HEATR3: variants seen among roughly 807,000 people sequenced by gnomAD.
HEATR3 encodes the protein HEAT repeat-containing protein 3.
In HEATR3, 56 loss-of-function variants were observed where a neutral mutation model predicts 72.8. That is an observed-to-expected ratio of 0.77 (90% CI 0.62 to 0.96). HEATR3 has a LOEUF of 0.96. Ranked by LOEUF, HEATR3 falls within the 40% of genes least tolerant of loss-of-function variation. The pLI, the probability that HEATR3 is intolerant of heterozygous loss-of-function variation, is 0.00. For synonymous variants in HEATR3, 331 were observed against 318.1 expected, an observed-to-expected ratio of 1.04 and a Z score of -0.43; for missense variants, 747 against 831.4, an observed-to-expected ratio of 0.90 and a Z score of 1.25.
At chr16:50,073,917 C>T (rs1440623319) in intron 5 of HEATR3, 5 of 152,140 alleles carry the variant, frequency 3.3e-5, no homozygotes, top group Non-Finnish European at 7.4e-5. Flanking sequence ...TCAAGCAATG[C>T]TTACATATAG....
Position 50,072,709 on chromosome 16 carries a change from C to G in HEATR3, c.617C>G (p.Ser206Ter), listed in dbSNP as rs2036639760. The G allele has an allele frequency of 6.4e-7, 1 of 1,552,658 alleles. No individual in the cohort carries two copies. Among genetic ancestry groups the G allele is most frequent in the Non-Finnish European group, 8.9e-7 (1 of 1,123,878 alleles). Reference sequence around the variant, plus strand: ...CCTACCAATGTTGACCTGGCTATTTCAGTAGGTAAGTGAAGAAAAGGTGAT... The same window carrying G: ...CCTACCAATGTTGACCTGGCTATTTGAGTAGGTAAGTGAAGAAAAGGTGAT... ...RFPTNVDLAI[S>*]VAYCLQTVTE... The change falls in exon 5 of 15, where the codon TCA (serine) becomes TGA (stop). Residue 206 changes from serine (S) to a stop codon, truncating the protein, a stop_gained. Coordinates refer to ENST00000299192, the MANE Select transcript of HEATR3 (RefSeq NM_182922.4). LOFTEE classifies it high-confidence loss of function.
chr16:50,090,139 G>C (rs1243464554), intron 11 of HEATR3, among the ~76,000 whole-genome samples: 1 of 152,066 alleles, frequency 6.6e-6, no homozygotes, highest in African/African-American at 2.4e-5. Flanking sequence ...AGGATCACAT[G>C]AGCCCAAGAG....
At chr16:50,097,382 C>G (rs1309625957) in intron 12 of HEATR3, among the ~76,000 whole-genome samples, 1 of 129,544 alleles carries the variant, frequency 7.7e-6, no homozygotes, top group Non-Finnish European at 1.6e-5. Flanking sequence ...CTAGCAATCT[C>G]TATAAGTGAC....
At chr16:50,085,393 A>G (rs1214750370) in intron 10 of HEATR3, among the ~76,000 whole-genome samples, 1 of 152,224 alleles carries the variant, frequency 6.6e-6, no homozygotes, top group African/African-American at 2.4e-5. Context: ...TGGGAGGCCA[A>G]GGTAGGAGGA....
At chr16:50,104,282 G>A (rs2037432346) in intron 14 of HEATR3, among the ~76,000 whole-genome samples, 1 of 152,190 alleles carries the variant, frequency 6.6e-6, no homozygotes, top group Admixed American at 6.5e-5. Context: ...GCGTCCGGGA[G>A]GTCGAGGCTG....
chr16:50,106,778 T>C lies in HEATR3; in HGVS notation c.*1717T>C, dbSNP rs2037495116. 6.6e-6 allele frequency: 1 copy of C among 152,198 alleles called. No homozygotes were observed. Among genetic ancestry groups the C allele is most frequent in the Admixed American group, 6.6e-5 (1 of 15,266 alleles). 9.4% of individuals were successfully genotyped at this position (152,198 alleles called of 1,614,324 possible). A position where few individuals can be genotyped will look rare whatever the true frequency, so the allele number is the denominator to read the frequency against. ...TCCACAGCAGCACAAAATGAGCTAG[T>C]AGTGTTAGATTTCATCTGCACTGTG... On this transcript the variant is annotated 3_prime_UTR_variant, in exon 15 of 15. Coordinates refer to ENST00000299192, the MANE Select transcript of HEATR3 (RefSeq NM_182922.4).
In HEATR3 at chr16:50,098,857, C is replaced by T. The variant is rs563043554; in HGVS notation, c.1600-1373C>T. On this transcript the variant is annotated intron_variant, in intron 12 of 14. Coordinates refer to ENST00000299192, the MANE Select transcript of HEATR3 (RefSeq NM_182922.4). ...CATTAAAATTGTAGTGACATTAAAA[C>T]TATTATTTGCTTTATCCTACGGAAT... 1.9e-3 allele frequency among the ~76,000 whole-genome samples: 294 copies of T among 152,046 alleles called. 1 individual carries two copies. The highest frequency in any genetic ancestry group is 3.4e-3 in the Non-Finnish European group (230 of 67,972).
intron 7 of HEATR3, among the ~76,000 whole-genome samples, chr16:50,083,336 G>A (rs2036912938): frequency 1.3e-5 from 2 of 151,940 alleles, no homozygotes; most frequent in African/African-American, 4.8e-5. Flanking sequence ...GTTTAAGTTG[G>A]CGTTATATAT....
intron 12 of HEATR3, among the ~76,000 whole-genome samples, chr16:50,096,755 C>T (rs1217764286): frequency 1.3e-5 from 2 of 151,988 alleles, no homozygotes; most frequent in Non-Finnish European, 2.9e-5. Context: ...GCTGAGATTG[C>T]ACCACTGCAC....
intron 10 of HEATR3, among the ~76,000 whole-genome samples, chr16:50,085,052 A>G (rs1274561021): frequency 6.6e-6 from 1 of 152,198 alleles, no homozygotes; most frequent in Admixed American, 6.5e-5. Flanking sequence ...AAGTTGAGAA[A>G]CAGGCAACAT....
At chr16:50,084,330 G>T in intron 9 of HEATR3, 39 bp downstream of exon 9, 1 of 1,596,458 alleles carries the variant, frequency 6.3e-7, no homozygotes. Context: ...TGGAGCATGG[G>T]AAAGGCTTAA....
Position 50,075,700 on chromosome 16 carries a change from C to T in HEATR3, c.752C>T (p.Thr251Ile), listed in dbSNP as rs200654368. Residue 251 changes from threonine (T) to isoleucine (I), a missense_variant, in exon 6 of 15, where the codon ACA (threonine) becomes ATA (isoleucine). By Grantham distance (89) the Thr-to-Ile change is moderately conservative. Around this residue, in one of 2 missense-constraint regions of HEATR3, gnomAD observed 586 missense variants for 708.8 expected, o/e 0.83. Transcript: ENST00000299192. ...TCCATGGAATCTCTTCTATTGAAGA[C>T]ATTGGTAGCAGGTAAAATTTAGCCT... ...VSSMESLLLK[T>I]LVAGTIWNLK... is the part of the protein sequence containing the mutation. 1.1e-4 allele frequency: 177 copies of T among 1,612,104 alleles called. No homozygotes were observed. The East Asian group carries it at 3.8e-3, about 35-fold the overall frequency.
chr16:50,103,983 GA>G (rs1597185437), intron 14 of HEATR3, among the ~76,000 whole-genome samples: 2 of 152,200 alleles, frequency 1.3e-5, no homozygotes, highest in East Asian at 3.9e-4. Context: ...GAGCTCAGTG[GA>G]TTGCAGCACT....
At chr16:50,079,358 A>G (rs1315383340) in intron 7 of HEATR3, among the ~76,000 whole-genome samples, 2 of 152,192 alleles carry the variant, frequency 1.3e-5, no homozygotes, top group Non-Finnish European at 2.9e-5. Context: ...ACTGTCTTCA[A>G]ACTAAAGGAA....
intron 7 of HEATR3, among the ~76,000 whole-genome samples, chr16:50,083,517 A>G (rs2036917692): frequency 6.6e-6 from 1 of 152,172 alleles, no homozygotes; most frequent in Non-Finnish European, 1.5e-5. Flanking sequence ...AAAGACATCT[A>G]AGCTAAGCAT....
At chr16:50,099,375 C>T (rs1236208879) in intron 12 of HEATR3, among the ~76,000 whole-genome samples, 1 of 152,086 alleles carries the variant, frequency 6.6e-6, no homozygotes, top group Non-Finnish European at 1.5e-5. Context: ...GAGCCTGAGG[C>T]GGGAGGATTG....
intron 10 of HEATR3, among the ~76,000 whole-genome samples, 161 bp downstream of exon 10, chr16:50,084,812 T>C (rs2036952470): frequency 6.6e-6 from 1 of 152,206 alleles, no homozygotes; most frequent in African/African-American, 2.4e-5. Context: ...AATACATGTA[T>C]ATGAGAGTGT....
At position 50,078,901 on chromosome 16, in the gene HEATR3, G is replaced by A; in HGVS notation, c.924G>A (p.Glu308=). ...AETQRLKTAA[E]AEEILENTNG... ...CGCAAAGGTTAAAAACTGCTGCAGA[G>A]GCTGAGGAAATATTAGAGAACACTA... Residue 308 remains glutamate (E), a synonymous_variant, in exon 7 of 15, where the codon GAG becomes GAA. Transcript: ENST00000299192. 1.2e-6 allele frequency: 2 copies of A among 1,614,140 alleles called. No individual in the cohort carries two copies. Among genetic ancestry groups the A allele is most frequent in the Non-Finnish European group, 1.7e-6 (2 of 1,180,024 alleles).
At chr16:50,100,020 C>T (rs781562587) in intron 12 of HEATR3, among the ~76,000 whole-genome samples, 3 of 152,164 alleles carry the variant, frequency 2.0e-5, no homozygotes, top group East Asian at 1.9e-4. Flanking sequence ...ATAACAGTGC[C>T]GACATGAGCA....
Sources: allele counts gnomAD v4.1 joint callset (sites outside exome capture counted in the v4.1 genomes callset), GRCh38; gene constraint gnomAD v4.1.1; regional missense constraint gnomAD v4.1.1; transcripts MANE v1.5; gene names NCBI Gene and HGNC (gene_info 2026-07-23, HGNC 2026-07-21).